ARHGAP28: variants seen among roughly 807,000 people sequenced by gnomAD.
ARHGAP28 encodes the protein Rho GTPase activating protein 28.
Under a neutral mutation model 90.7 loss-of-function variants are expected in ARHGAP28, and 56 were observed. The ratio of observed to expected loss-of-function variants is 0.62; its 90% confidence interval spans 0.50 to 0.77. The LOEUF is 0.77. Ranked by LOEUF, ARHGAP28 falls within the 30% of genes least tolerant of loss-of-function variation. The probability of loss-of-function intolerance (pLI) is 0.00; values close to 1 mark genes in which losing one functional copy is unlikely to be tolerated. For synonymous variants in ARHGAP28, 308 were observed against 323.3 expected, an observed-to-expected ratio of 0.95 and a Z score of 0.51; for missense variants, 869 against 900.9, an observed-to-expected ratio of 0.96 and a Z score of 0.45.
intron 1 of ARHGAP28, among the ~76,000 whole-genome samples, chr18:6,739,230 G>A (rs891787384): frequency 1.3e-5 from 2 of 152,010 alleles, no homozygotes; most frequent in Non-Finnish European, 2.9e-5. Context: ...TTTGATTATT[G>A]AGAGCAGGGA....
intron 1 of ARHGAP28, among the ~76,000 whole-genome samples, chr18:6,815,698 T>C (rs1478383111): frequency 6.6e-6 from 1 of 152,294 alleles, no homozygotes; most frequent in African/African-American, 2.4e-5. Context: ...CACACACATA[T>C]ATAATTTATG....
chr18:6,810,879 T>C (rs2143685828), intron 1 of ARHGAP28, among the ~76,000 whole-genome samples: 1 of 152,176 alleles, frequency 6.6e-6, no homozygotes, highest in African/African-American at 2.4e-5. Flanking sequence ...TCTGTGTTTC[T>C]CAAAGTCTGT....
At chr18:6,805,958 C>T (rs1198690709) in intron 1 of ARHGAP28, among the ~76,000 whole-genome samples, 1 of 152,228 alleles carries the variant, frequency 6.6e-6, no homozygotes, top group Non-Finnish European at 1.5e-5. Flanking sequence ...GATCTTGACT[C>T]ACTGCAACTT....
chr18:6,887,323 TGAC>T, intron 12 of ARHGAP28, 84 bp downstream of exon 12: 1 of 1,331,068 alleles, frequency 7.5e-7, no homozygotes, highest in Non-Finnish European at 1.1e-6. Flanking sequence ...AAAGTGGAGA[TGAC>T]AGCTCACTGA....
chr18:6,818,597 C>T (rs72893668), intron 1 of ARHGAP28, among the ~76,000 whole-genome samples: 1 of 152,178 alleles, frequency 6.6e-6, no homozygotes, highest in Non-Finnish European at 1.5e-5. Context: ...AGAGCTGAGA[C>T]AGCGAATAAC....
intron 3 of ARHGAP28, among the ~76,000 whole-genome samples, chr18:6,849,729 T>C (rs2056894844): frequency 6.6e-6 from 1 of 152,208 alleles, no homozygotes; most frequent in Non-Finnish European, 1.5e-5. Flanking sequence ...AACTTATTCC[T>C]TTATTTATAT....
chr18:6,820,471 A>G lies in ARHGAP28; in HGVS notation c.123-4291A>G, dbSNP rs560043498. On this transcript the variant is annotated intron_variant, in intron 1 of 17. Coordinates refer to ENST00000383472, the MANE Select transcript of ARHGAP28 (RefSeq NM_001366230.1). Reference sequence around the variant, plus strand: ...TGTTATTGGAGTTCCAGGAGAGGAGAGAGGAAAAGTGACAGAAGAAATATT... The same window carrying G: ...TGTTATTGGAGTTCCAGGAGAGGAGGGAGGAAAAGTGACAGAAGAAATATT... 2.5e-4 allele frequency among the ~76,000 whole-genome samples: 38 copies of G among 152,282 alleles called. No individual in the cohort carries two copies. In the South Asian group the frequency reaches 2.7e-3, roughly 11 times the overall value.
intron 2 of ARHGAP28, among the ~76,000 whole-genome samples, chr18:6,827,144 G>A (rs1453187927): frequency 6.6e-6 from 1 of 152,134 alleles, no homozygotes; most frequent in African/African-American, 2.4e-5. Flanking sequence ...ACCTTTCCCC[G>A]CTTTCTATTC....
At chr18:6,771,195 C>A (rs1291782008) in intron 1 of ARHGAP28, among the ~76,000 whole-genome samples, 1 of 152,038 alleles carries the variant, frequency 6.6e-6, no homozygotes, top group East Asian at 1.9e-4. Context: ...CACCACCACA[C>A]CTGGCTAATT....
intron 1 of ARHGAP28, among the ~76,000 whole-genome samples, chr18:6,736,684 T>C (rs1380996633): frequency 1.3e-5 from 2 of 148,688 alleles, no homozygotes; most frequent in Admixed American, 1.4e-4. Flanking sequence ...GAGGCGGAGG[T>C]TGTGGTGAGC....
intron 1 of ARHGAP28, among the ~76,000 whole-genome samples, chr18:6,797,500 C>A (rs549772657): frequency 6.6e-6 from 1 of 152,282 alleles, no homozygotes; most frequent in Admixed American, 6.5e-5. Context: ...TTCTCCCCCA[C>A]CTCCCTCTTC....
At chr18:6,841,202 TCCTCTCCTCTCTCTCTCTCTCC>T (rs1419890857) in intron 3 of ARHGAP28, among the ~76,000 whole-genome samples, 1 of 47,384 alleles carries the variant, frequency 2.1e-5, no homozygotes, top group Non-Finnish European at 3.9e-5. Context: ...TCTCTCTCTC[TCCTCTCCTCTCTCTCTCTCTCC>T]CCCCAACCCG....
intron 3 of ARHGAP28, among the ~76,000 whole-genome samples, chr18:6,837,781 C>G (rs1230556494): frequency 6.6e-6 from 1 of 151,874 alleles, no homozygotes; most frequent in Admixed American, 6.6e-5. Context: ...GTAAGCAAGA[C>G]CAGGTGGTTT....
At chr18:6,828,320 C>A (rs77077618) in intron 2 of ARHGAP28, among the ~76,000 whole-genome samples, 1 of 152,008 alleles carries the variant, frequency 6.6e-6, no homozygotes, top group Non-Finnish European at 1.5e-5. Flanking sequence ...AGCTTCGGCT[C>A]GGCATCAGAG....
intron 3 of ARHGAP28, among the ~76,000 whole-genome samples, chr18:6,837,749 C>G (rs552213287): frequency 7.3e-4 from 111 of 151,972 alleles, no homozygotes; most frequent in Non-Finnish European, 1.3e-3. Context: ...ACTCTGTGGT[C>G]GGGCAAAGGA....
At chr18:6,799,064 A>G (rs1178878143) in intron 1 of ARHGAP28, among the ~76,000 whole-genome samples, 1 of 152,202 alleles carries the variant, frequency 6.6e-6, no homozygotes, top group African/African-American at 2.4e-5. Flanking sequence ...GAACCTTTTC[A>G]TCTGGTAGGA....
intron 2 of ARHGAP28, among the ~76,000 whole-genome samples, chr18:6,828,884 TA>T (rs1242292293): frequency 6.6e-6 from 1 of 152,206 alleles, no homozygotes; most frequent in Non-Finnish European, 1.5e-5. Flanking sequence ...GGTAGTTTAG[TA>T]AGTATACACC....
chr18:6,774,513 G>A (rs1292485817), intron 1 of ARHGAP28, among the ~76,000 whole-genome samples: 1 of 152,148 alleles, frequency 6.6e-6, no homozygotes, highest in Non-Finnish European at 1.5e-5. Context: ...AATTTGAGAG[G>A]ACTAGTTAAA....
chr18:6,802,335 CTTTTTTTTTTTTT>C (rs35950139), intron 1 of ARHGAP28, among the ~76,000 whole-genome samples: 7 of 52,752 alleles, frequency 1.3e-4, no homozygotes, highest in African/African-American at 4.5e-4. Flanking sequence ...TATGGTAGTT[CTTTTTTTTTTTTT>C]TTTTTTTTTT....
Sources: allele counts gnomAD v4.1 joint callset (sites outside exome capture counted in the v4.1 genomes callset), GRCh38; gene constraint gnomAD v4.1.1; transcripts MANE v1.5; gene names NCBI Gene and HGNC (gene_info 2026-07-23, HGNC 2026-07-21).